The following KIAA1217 variants were observed in gnomAD, a reference collection of about 807,000 sequenced individuals.
KIAA1217 encodes the protein sickle tail protein homolog.
Under a neutral mutation model 163.9 loss-of-function variants are expected in KIAA1217, and 88 were observed. The ratio of observed to expected loss-of-function variants is 0.54; its 90% CI spans 0.45 to 0.64. The LOEUF (loss-of-function observed/expected upper bound fraction) is 0.64, where lower values mean the gene tolerates loss of function less well. Ranked by LOEUF, KIAA1217 falls within the 30% of genes least tolerant of loss-of-function variation. The pLI is 0.00. For missense variants in KIAA1217, 2,372 were observed against 2,475.0 expected (o/e 0.96, Z 0.88); for synonymous variants, 903 against 923.1 (o/e 0.98, Z 0.39).
At chr10:24,513,551 G>A in intron 10 of KIAA1217, 117 bp downstream of exon 10, 1 of 932,664 alleles carries the variant, frequency 1.1e-6, no homozygotes. Context: ...AGCACCTACT[G>A]TGTAAAAGTT....
intron 1 of KIAA1217, among the ~76,000 whole-genome samples, chr10:23,721,220 C>T (rs1837859830): frequency 6.6e-6 from 1 of 152,208 alleles, no homozygotes; most frequent in Non-Finnish European, 1.5e-5. Context: ...CAAATTGCCA[C>T]TCACAGTGAG....
intron 1 of KIAA1217, among the ~76,000 whole-genome samples, chr10:23,737,453 A>G (rs1435788306): frequency 6.6e-6 from 1 of 152,032 alleles, no homozygotes; most frequent in Non-Finnish European, 1.5e-5. Context: ...TCAGCCTCCC[A>G]AAGTGCTGGG....
intron 9 of KIAA1217, among the ~76,000 whole-genome samples, chr10:24,504,431 C>T (rs1466820456): frequency 6.6e-6 from 1 of 152,162 alleles, no homozygotes; most frequent in Non-Finnish European, 1.5e-5. Context: ...CTTTCCTCCC[C>T]ATCAAACTTC....
chr10:23,845,465 A>C (rs1392677710), intron 1 of KIAA1217, among the ~76,000 whole-genome samples: 1 of 152,038 alleles, frequency 6.6e-6, no homozygotes, highest in Admixed American at 6.6e-5. Context: ...TGTGGTTTTG[A>C]TTTGCATTTC....
At chr10:23,941,284 G>A (rs1474675051) in intron 1 of KIAA1217, among the ~76,000 whole-genome samples, 6 of 152,130 alleles carry the variant, frequency 3.9e-5, no homozygotes, top group Non-Finnish European at 7.4e-5. Context: ...AACAAATATG[G>A]AAGGCTTCTG....
intron 1 of KIAA1217, among the ~76,000 whole-genome samples, chr10:23,931,196 G>T (rs1205913580): frequency 6.6e-6 from 1 of 152,036 alleles, no homozygotes; most frequent in African/African-American, 2.4e-5. Flanking sequence ...TTACATGGAT[G>T]TTCTTGTATA....
chr10:23,999,614 A>T (rs1197516982), intron 1 of KIAA1217, among the ~76,000 whole-genome samples: 1 of 152,116 alleles, frequency 6.6e-6, no homozygotes, highest in African/African-American at 2.4e-5. Flanking sequence ...TTCCACTTAG[A>T]TTAAGGGATG....
At chr10:23,807,359 G>A (rs867653361) in intron 1 of KIAA1217, among the ~76,000 whole-genome samples, 1 of 152,216 alleles carries the variant, frequency 6.6e-6, no homozygotes, top group Admixed American at 6.5e-5. Context: ...ATAGAAATAG[G>A]ACCTAGAAGC....
In KIAA1217 at chr10:24,543,179, C is replaced by T. The variant is rs769701515; in HGVS notation, c.3909C>T (p.Tyr1303=). 1.2e-5 allele frequency: 19 copies of T among 1,613,340 alleles called. No homozygotes were observed. The highest frequency in any genetic ancestry group is 2.7e-5 in the African/African-American group (2 of 74,704). Residue 1303 remains tyrosine (Y), a synonymous_variant, in exon 19 of 21, where the codon TAC becomes TAT. Transcript: ENST00000376454. The part of the protein sequence containing the change: ...IPDTENQTLN[Y]GKTKEMEKQN... ...ACACCGAGAACCAGACGCTGAATTA[C>T]GGAAAGACAAAGGAGATGGAAAAGC... is the stretch of plus-strand genomic sequence containing the variant.
At chr10:23,861,247 ATCCT>A (rs1839937129) in intron 1 of KIAA1217, among the ~76,000 whole-genome samples, 2 of 152,114 alleles carry the variant, frequency 1.3e-5, no homozygotes, top group East Asian at 3.9e-4. Context: ...GGTAGCTTCT[ATCCT>A]GTTTAGTAAC....
intron 1 of KIAA1217, among the ~76,000 whole-genome samples, chr10:23,780,181 T>C (rs769144946): frequency 6.6e-5 from 10 of 152,226 alleles, no homozygotes; most frequent in Non-Finnish European, 1.3e-4. Context: ...GACAACATGA[T>C]GTTTTGATAT....
intron 2 of KIAA1217, among the ~76,000 whole-genome samples, chr10:24,314,201 C>G (rs2043067371): frequency 6.6e-6 from 1 of 152,188 alleles, no homozygotes; most frequent in Non-Finnish European, 1.5e-5. Flanking sequence ...ATTGCCTTAA[C>G]TCCTGTCCAA....
chr10:23,789,811 G>T (rs147866074), intron 1 of KIAA1217, among the ~76,000 whole-genome samples: 2 of 151,316 alleles, frequency 1.3e-5, no homozygotes, highest in Non-Finnish European at 2.9e-5. Flanking sequence ...TCAGTGCATG[G>T]TCATAGGTGA....
chr10:24,483,311 C>T (rs544250320), intron 6 of KIAA1217, among the ~76,000 whole-genome samples: 2 of 152,296 alleles, frequency 1.3e-5, no homozygotes, highest in South Asian at 4.1e-4. Flanking sequence ...CTCCATCTCT[C>T]ACCTGACTTG....
intron 17 of KIAA1217, among the ~76,000 whole-genome samples, chr10:24,542,099 C>T (rs965872211): frequency 5.9e-5 from 9 of 152,082 alleles, no homozygotes; most frequent in Non-Finnish European, 1.0e-4. Context: ...AATGTTTTTT[C>T]GTCCCCAAAT....
At chr10:24,188,653 G>A (rs1266185377) in intron 2 of KIAA1217, among the ~76,000 whole-genome samples, 1 of 151,918 alleles carries the variant, frequency 6.6e-6, no homozygotes, top group Non-Finnish European at 1.5e-5. Context: ...AAAGAAAGAT[G>A]GAGGTTGGGC....
intron 2 of KIAA1217, among the ~76,000 whole-genome samples, chr10:24,109,892 G>A (rs1055509584): frequency 3.9e-5 from 6 of 152,224 alleles, no homozygotes; most frequent in African/African-American, 1.2e-4. Flanking sequence ...TTGAGACAAC[G>A]TCTCGCTCTG....
At chr10:24,177,299 T>TATATATTTA (rs1554894744) in intron 2 of KIAA1217, among the ~76,000 whole-genome samples, 1 of 46,914 alleles carries the variant, frequency 2.1e-5, no homozygotes, top group East Asian at 7.2e-4. Flanking sequence ...ATATATATAT[T>TATATATTTA]ACAATTTCTT....
rs1591284495 is a variant in KIAA1217, at chr10:24,358,125, A to G, written c.355-22744A>G. Among the ~76,000 whole-genome samples, 5 of 152,274 alleles carry G rather than the reference A, an allele frequency of 3.3e-5. 1 individual carries two copies. The South Asian group carries it at 1.0e-3, about 32-fold the overall frequency. On this transcript the variant is annotated intron_variant, in intron 2 of 20. Transcript: ENST00000376454. ...AAGTGAAAACTCAGCGTGGATGTGGATGAAGATATTCATGCCTTTGTGATC... is the reference window on the plus strand; with the variant it reads ...AAGTGAAAACTCAGCGTGGATGTGGGTGAAGATATTCATGCCTTTGTGATC...
Sources: allele counts gnomAD v4.1 joint callset (sites outside exome capture counted in the v4.1 genomes callset), GRCh38; gene constraint gnomAD v4.1.1; transcripts MANE v1.5; gene names NCBI Gene and HGNC (gene_info 2026-07-23, HGNC 2026-07-21).